Variants in SMG6 observed in about 807,000 individuals in gnomAD.
The protein encoded by SMG6 is SMG6 nonsense mediated mRNA decay factor.
Under a neutral mutation model 142.2 loss-of-function variants are expected in SMG6, and 66 were observed. That is an observed-to-expected ratio of 0.46 (90% CI 0.38 to 0.57). The LOEUF (loss-of-function observed/expected upper bound fraction) is 0.57, where lower values mean the gene tolerates loss of function less well. Among genes scored for constraint, SMG6 ranks in the 20% least tolerant of loss-of-function variants. The pLI is 0.00. For missense variants in SMG6, 1,793 were observed against 1,832.0 expected (o/e 0.98, Z 0.39); for synonymous variants, 779 against 702.4 (o/e 1.11, Z -1.72).
chr17:2,236,667 C>T (rs1328428816), intron 9 of SMG6, 30 bp from the exon 10 acceptor site: 1 of 1,593,940 alleles, frequency 6.3e-7, no homozygotes, highest in South Asian at 1.1e-5. Context: ...ATCAATGAGG[C>T]ACCTCTCTCT....
Position 2,071,894 on chromosome 17 carries a change from T to C in SMG6, c.3682-2963A>G, listed in dbSNP as rs2068112204. On this transcript the variant is annotated intron_variant, in intron 15 of 18. Coordinates refer to ENST00000263073, the MANE Select transcript of SMG6 (RefSeq NM_017575.5). The surrounding 1 kb of genome is among the most constrained non-coding windows in gnomAD (Gnocchi z 5.6). Reference sequence around the variant, plus strand: ...GCTGTGTGTGTGTGTGTGTTTAGCATCTGCCCTCCCAACTTTTCCAGATTT... The same window carrying C: ...GCTGTGTGTGTGTGTGTGTTTAGCACCTGCCCTCCCAACTTTTCCAGATTT... 6.6e-6 allele frequency: 1 copy of C among 152,312 alleles called. No individual in the cohort carries two copies. Among genetic ancestry groups the C allele is most frequent in the Non-Finnish European group, 1.5e-5 (1 of 68,158 alleles). The allele number at this position is 152,312 out of a possible 1,614,324, so 9.4% of individuals were successfully genotyped here. A position where few individuals can be genotyped will look rare whatever the true frequency, so the allele number is the denominator to read the frequency against.
rs547675683 is a variant in SMG6 at position 2,071,179 on chromosome 17, C to T, written c.3682-2248G>A. 5.3e-5 allele frequency among the ~76,000 whole-genome samples: 8 copies of T among 152,282 alleles called. No homozygotes were observed. Among genetic ancestry groups the T allele is most frequent in the Admixed American group, 1.3e-4 (2 of 15,298 alleles). On this transcript the variant is annotated intron_variant, in intron 15 of 18. Transcript: ENST00000263073. The surrounding 1 kb of genome is among the most constrained non-coding windows in gnomAD (Gnocchi z 5.6). ...TGCGCCTCTGCCTCTGCCTCTGCCC[C>T]GCAAGTCCACTACCATCTCAGTTCT...
At chr17:2,188,637 G>A in intron 10 of SMG6, 122 bp from the exon 11 acceptor site, 1 of 792,608 alleles carries the variant, frequency 1.3e-6, no homozygotes, top group Non-Finnish European at 2.1e-6. Flanking sequence ...CTCTCTCAGA[G>A]TGGTCATAAG....
chr17:2,114,952 AAAAAAATG>A (rs2069455711), intron 13 of SMG6, among the ~76,000 whole-genome samples: 1 of 101,678 alleles, frequency 9.8e-6, no homozygotes, highest in Non-Finnish European at 1.9e-5. Flanking sequence ...AAAATAAAAT[AAAAAAATG>A]AAATGAAATG....
intron 10 of SMG6, among the ~76,000 whole-genome samples, chr17:2,205,645 T>C (rs1323303467): frequency 3.3e-5 from 5 of 152,274 alleles, no homozygotes; most frequent in Non-Finnish European, 7.3e-5. Flanking sequence ...TAGTTCTCAT[T>C]ATTAGAAAGG....
intron 10 of SMG6, chr17:2,233,288 C>A (rs1039378961): frequency 6.6e-6 from 1 of 152,258 alleles, no homozygotes; most frequent in African/African-American, 2.4e-5. Flanking sequence ...CCACAGAGTC[C>A]GGAAACTGAC....
chr17:2,208,793 G>A (rs1435657343), intron 10 of SMG6, among the ~76,000 whole-genome samples: 2 of 152,226 alleles, frequency 1.3e-5, no homozygotes, highest in Non-Finnish European at 2.9e-5. Context: ...GAAACTCACT[G>A]TTGATATAGT....
rs368821735 is a variant in SMG6, at chr17:2,065,113, G to A, written c.4089C>T (p.Tyr1363=). Residue 1363 remains tyrosine, a synonymous_variant, in exon 18 of 19, where the codon TAC becomes TAT. Coordinates refer to ENST00000263073, the MANE Select transcript of SMG6 (RefSeq NM_017575.5). The part of the protein sequence containing the change: ...DDLILSCCLH[Y]CKDKAKDFMP... ...TGAAGTCCTTAGCCTTGTCTTTGCA[G>A]TAGTGGAGGCAGCAGGACAGGATGA... The A allele has an allele frequency of 1.7e-5, 28 of 1,613,836 alleles. No homozygotes were observed. The highest frequency in any genetic ancestry group is 2.2e-5 in the Non-Finnish European group (26 of 1,179,866).
rs535886540 is a variant in SMG6, at chr17:2,243,407, G to A, written c.2723+1251C>T. ...ACTAAGAGAGCCTTCTAGGCCGGGC[G>A]TGGTGGTTCACGGCTGTAATCCCAG... On this transcript the variant is annotated intron_variant, in intron 9 of 18. Coordinates refer to ENST00000263073, the MANE Select transcript of SMG6 (RefSeq NM_017575.5). Among the ~76,000 whole-genome samples, 5 of 152,320 alleles carry A rather than the reference G, an allele frequency of 3.3e-5. No individual in the cohort carries two copies. In the South Asian group the frequency reaches 8.3e-4, roughly 25 times the overall value.
At chr17:2,238,104 T>C (rs1414947566) in intron 9 of SMG6, among the ~76,000 whole-genome samples, 3 of 152,226 alleles carry the variant, frequency 2.0e-5, no homozygotes, top group Non-Finnish European at 2.9e-5. Flanking sequence ...GGAAGTGTCC[T>C]CCCTGGATTA....
At chr17:2,259,378 T>C (rs2074262215) in intron 8 of SMG6, among the ~76,000 whole-genome samples, 2 of 152,246 alleles carry the variant, frequency 1.3e-5, no homozygotes, top group South Asian at 2.1e-4. Flanking sequence ...TTATTCATGG[T>C]GATAAAGCAA....
chr17:2,284,913 CT>C lies in SMG6; in HGVS notation c.2338-1179del, dbSNP rs779503548. 7.5e-4 allele frequency among the ~76,000 whole-genome samples: 114 copies of C among 152,122 alleles called. 1 individual carries two copies. The highest frequency in any genetic ancestry group is 1.8e-4 in the Non-Finnish European group (12 of 68,032). On this transcript the variant is annotated intron_variant, in intron 6 of 18. Transcript: ENST00000263073. The stretch of plus-strand genomic sequence containing the variant: ...TATTCCAATCCATACTAATTTCTAT[CT>C]ACACTACTCACCTGATTTGAGACTG...
intron 8 of SMG6, among the ~76,000 whole-genome samples, chr17:2,279,375 G>A (rs903419777): frequency 6.6e-6 from 1 of 152,224 alleles, no homozygotes; most frequent in Non-Finnish European, 1.5e-5. Flanking sequence ...AGATCATGAG[G>A]AGCCTAGTGG....
At chr17:2,134,709 A>G (rs1402476752) in intron 13 of SMG6, among the ~76,000 whole-genome samples, 6 of 152,152 alleles carry the variant, frequency 3.9e-5, no homozygotes, top group Admixed American at 3.9e-4. Context: ...CCTGCTAAAT[A>G]CACTACTAAA....
At chr17:2,285,877 T>A (rs2074893924) in intron 6 of SMG6, among the ~76,000 whole-genome samples, 1 of 151,690 alleles carries the variant, frequency 6.6e-6, no homozygotes, top group Non-Finnish European at 1.5e-5. Context: ...TTTCACCAAG[T>A]TAGCCAGGCT....
chr17:2,073,297 T>C (rs2068159597), intron 15 of SMG6, among the ~76,000 whole-genome samples: 1 of 151,992 alleles, frequency 6.6e-6, no homozygotes, highest in African/African-American at 2.4e-5. Context: ...TTGGCCACAC[T>C]GGTCTCAAAC....
chr17:2,107,391 A>G (rs1488562924), intron 13 of SMG6, among the ~76,000 whole-genome samples: 1 of 152,218 alleles, frequency 6.6e-6, no homozygotes, highest in African/African-American at 2.4e-5. Flanking sequence ...ACGAAGTACT[A>G]TGTCTTCTAT....
At position 2,092,264 on chromosome 17, in the gene SMG6, G is replaced by A. The variant is rs2068747543; in HGVS notation, c.3358-6363C>T. Among the ~76,000 whole-genome samples, 7 of 152,056 alleles carry A rather than the reference G, an allele frequency of 4.6e-5. No homozygotes were observed. In the South Asian group the frequency reaches 6.2e-4, roughly 13 times the overall value. On this transcript the variant is annotated intron_variant, in intron 13 of 18. Transcript: ENST00000263073. ...GCCTTTCTCAGTCATTTCTAATCCC[G>A]GTGTCCAGATCCAACCCTCCGTAGT...
rs527617594 is a variant in SMG6 at position 2,108,580 on chromosome 17, G to C, written c.3358-22679C>G. Among the ~76,000 whole-genome samples, 6 of 152,242 alleles carry C rather than the reference G, an allele frequency of 3.9e-5. No homozygotes were observed. The South Asian group carries it at 1.2e-3, about 32-fold the overall frequency. The stretch of plus-strand genomic sequence containing the variant: ...TGGGAGGCAGAGGTTGTAGTGAGCC[G>C]AGATTGTGTCACTGCACTCCAGCCT... On this transcript the variant is annotated intron_variant, in intron 13 of 18. Transcript: ENST00000263073.
Sources: allele counts gnomAD v4.1 joint callset (sites outside exome capture counted in the v4.1 genomes callset), GRCh38; gene constraint gnomAD v4.1.1; non-coding constraint Gnocchi (gnomAD v3.1); transcripts MANE v1.5; gene names NCBI Gene and HGNC (gene_info 2026-07-23, HGNC 2026-07-21).